SRC: variants seen among roughly 807,000 people sequenced by gnomAD.
SRC encodes SRC proto-oncogene, non-receptor tyrosine kinase.
In SRC, 13 loss-of-function variants were observed where a neutral mutation model predicts 62.9. The ratio of observed to expected loss-of-function variants is 0.21; its 90% CI spans 0.13 to 0.33. The LOEUF (loss-of-function observed/expected upper bound fraction) is 0.33, where lower values mean the gene tolerates loss of function less well. Among genes scored for constraint, SRC ranks in the 10% least tolerant of loss-of-function variants. SRC has a pLI of 1.00. For missense variants in SRC, 457 were observed against 737.3 expected (o/e 0.62, Z 4.40); for synonymous variants, 302 against 317.5 (o/e 0.95, Z 0.52).
In SRC at chr20:37,396,116, G is replaced by A. The variant is rs368943243; in HGVS notation, c.554-46G>A. On this transcript the variant is annotated intron_variant, in intron 7 of 13. Coordinates refer to ENST00000373578, the MANE Select transcript of SRC (RefSeq NM_198291.3). The surrounding 1 kb of genome is among the most constrained non-coding windows in gnomAD (Gnocchi z 6.1). ...AACGGTGTCCAGAGCAGCGGCCTGC[G>A]GGGGGAGAGGGCATGGCGGTCACGG... The A allele has an allele frequency of 1.5e-4, 239 of 1,597,956 alleles. No homozygotes were observed. Among genetic ancestry groups the A allele is most frequent in the Middle Eastern group, 1.1e-3 (5 of 4,716 alleles).
chr20:37,401,862 G>T, intron 11 of SRC, 184 bp downstream of exon 11: 1 of 500,640 alleles, frequency 2.0e-6, no homozygotes, highest in Non-Finnish European at 3.5e-6. Flanking sequence ...GGGTGATTCT[G>T]GGCAGCAGAA....
chr20:37,391,768 C>T (rs1182038744), intron 5 of SRC, among the ~76,000 whole-genome samples: 7 of 152,080 alleles, frequency 4.6e-5, no homozygotes, highest in Admixed American at 6.5e-5. Context: ...GCAGGAGAAT[C>T]GCTTGAACCT....
chr20:37,357,407 C>G (rs1347008230), intron 1 of SRC, among the ~76,000 whole-genome samples: 1 of 151,024 alleles, frequency 6.6e-6, no homozygotes, highest in Non-Finnish European at 1.5e-5. Context: ...GCTTGCTCTT[C>G]CATCCATCCA....
chr20:37,374,977 C>T (rs1452648325), intron 2 of SRC, among the ~76,000 whole-genome samples: 1 of 151,814 alleles, frequency 6.6e-6, no homozygotes, highest in African/African-American at 2.4e-5. Flanking sequence ...GTCACCCAGG[C>T]TGGAGTGTAG....
At chr20:37,376,141 TA>T (rs1303121528) in intron 2 of SRC, among the ~76,000 whole-genome samples, 2 of 152,222 alleles carry the variant, frequency 1.3e-5, no homozygotes, top group African/African-American at 4.8e-5. Context: ...TCTTTCCCTG[TA>T]AAGGGGCTTT....
At chr20:37,375,258 GTC>G (rs531620254) in intron 2 of SRC, among the ~76,000 whole-genome samples, 61 of 150,470 alleles carry the variant, frequency 4.1e-4, no homozygotes, top group African/African-American at 1.4e-3. Context: ...TTGAGACAGA[GTC>G]TCACTCTGTT....
At chr20:37,363,763 C>T (rs559839995) in intron 1 of SRC, among the ~76,000 whole-genome samples, 3 of 152,310 alleles carry the variant, frequency 2.0e-5, no homozygotes, top group African/African-American at 7.2e-5. Context: ...TTGGGCGGTT[C>T]CCAGGGGCTC....
chr20:37,356,157 G>A (rs1000006653), intron 1 of SRC, among the ~76,000 whole-genome samples: 4 of 152,150 alleles, frequency 2.6e-5, no homozygotes, highest in Non-Finnish European at 5.9e-5. Context: ...AGACTTCCTG[G>A]GGGAGGAGGT....
At chr20:37,347,232 C>T (rs1454206421) in intron 1 of SRC, among the ~76,000 whole-genome samples, 1 of 152,194 alleles carries the variant, frequency 6.6e-6, no homozygotes, top group East Asian at 1.9e-4. Flanking sequence ...GCTGGGTCAC[C>T]TGGGGTAAGT....
At chr20:37,358,212 A>G (rs973449518) in intron 1 of SRC, among the ~76,000 whole-genome samples, 1 of 152,222 alleles carries the variant, frequency 6.6e-6, no homozygotes, top group African/African-American at 2.4e-5. Context: ...GATGTCCTGC[A>G]TACGCCATGT....
In SRC at chr20:37,405,555, T is replaced by G. The variant is rs187440677; in HGVS notation, c.*2176T>G. 38 of 177,132 alleles carry G rather than the reference T, an allele frequency of 2.1e-4. No homozygotes were observed. Among genetic ancestry groups the G allele is most frequent in the African/African-American group, 8.1e-4 (34 of 42,180 alleles). The allele number at this position is 177,132 out of a possible 1,614,324, so 11.0% of individuals were successfully genotyped here. ...GCTTCAGGCCAAGGCAGGGGTGACA[T>G]CAGATTGGAGACAGCTACGGCAGAA... is the stretch of plus-strand genomic sequence containing the variant. On this transcript the variant is annotated 3_prime_UTR_variant, in exon 14 of 14. Coordinates refer to ENST00000373578, the MANE Select transcript of SRC (RefSeq NM_198291.3).
rs1488204317 is a variant in SRC, at chr20:37,398,831, TCCTC to T, written c.859+981_859+984del. ...TGCTGTCCCTGGGAAGGGCCTCACT[TCCTC>T]CCTGGGTGCTCCAGGTCGACTCATG... On this transcript the variant is annotated intron_variant, in intron 9 of 13. Transcript: ENST00000373578. This position sits in a 1 kb window ranked among gnomAD's most constrained non-coding sequence, Gnocchi z 5.2. Among the ~76,000 whole-genome samples the T allele has an allele frequency of 1.3e-5, 2 of 152,168 alleles. No individual in the cohort carries two copies. The highest frequency in any genetic ancestry group is 2.4e-5 in the African/African-American group (1 of 41,434).
chr20:37,403,147 C>A lies in SRC; in HGVS notation c.1403-24C>A. 6.6e-7 allele frequency: 1 copy of A among 1,517,742 alleles called. No homozygotes were observed. 94.0% of individuals were successfully genotyped at this position (1,517,742 alleles called of 1,614,324 possible). ...CCACTTTCCTCACCGGAGCCGGGCT[C>A]CCCATGCCTCGCTCTGCCCACAGGG... is the stretch of plus-strand genomic sequence containing the variant. On this transcript the variant is annotated intron_variant, in intron 13 of 13. Coordinates refer to ENST00000373578, the MANE Select transcript of SRC (RefSeq NM_198291.3). The surrounding 1 kb of genome is among the most constrained non-coding windows in gnomAD (Gnocchi z 7.1).
At chr20:37,391,559 T>C (rs1257503614) in intron 5 of SRC, among the ~76,000 whole-genome samples, 2 of 152,118 alleles carry the variant, frequency 1.3e-5, no homozygotes, top group Non-Finnish European at 2.9e-5. Flanking sequence ...CCCAACTCTC[T>C]AAAGAAAGTG....
chr20:37,361,050 A>G (rs1294718789), intron 1 of SRC, among the ~76,000 whole-genome samples: 12 of 151,488 alleles, frequency 7.9e-5, no homozygotes, highest in Admixed American at 7.9e-4. Flanking sequence ...GGGGCAGGCA[A>G]GGTCAGGTAC....
chr20:37,386,044 C>G, intron 4 of SRC, 31 bp from the exon 5 acceptor site: 1 of 1,577,824 alleles, frequency 6.3e-7, no homozygotes. Flanking sequence ...TGTGGCCCCA[C>G]TGTTCTGACA....
intron 2 of SRC, among the ~76,000 whole-genome samples, chr20:37,374,772 G>A (rs1381212515): frequency 2.7e-5 from 4 of 150,780 alleles, no homozygotes; most frequent in South Asian, 2.1e-4. Context: ...ATGGGGTTTC[G>A]CCATGTTGTC....
At chr20:37,360,216 C>CTTTTTTTT (rs2069947696) in intron 1 of SRC, among the ~76,000 whole-genome samples, 1 of 112,512 alleles carries the variant, frequency 8.9e-6, no homozygotes, top group African/African-American at 4.9e-5. Context: ...TTCTCTCTCT[C>CTTTTTTTT]TCTTTTTTTT....
At chr20:37,399,632 C>T (rs2070709246) in intron 9 of SRC, among the ~76,000 whole-genome samples, 1 of 151,970 alleles carries the variant, frequency 6.6e-6, no homozygotes, top group Non-Finnish European at 1.5e-5. Context: ...GCAACCTCTG[C>T]CTCCCAGGCT....
Sources: gnomAD v4.1 joint callset for allele counts (sites outside exome capture counted in the v4.1 genomes callset) on GRCh38, gnomAD v4.1.1 for gene constraint, Gnocchi (gnomAD v3.1) non-coding constraint, MANE v1.5 for transcripts, NCBI Gene and HGNC (gene_info 2026-07-23, HGNC 2026-07-21) for gene names.